The following ANKIB1 variants were observed in gnomAD, a reference collection of about 807,000 sequenced individuals.
ANKIB1 encodes the protein ankyrin repeat and IBR domain containing 1.
A neutral mutation model predicts 122.1 loss-of-function variants in ANKIB1; 43 were observed. The observed-to-expected ratio is 0.35, with a 90% CI of 0.28 to 0.45. The LOEUF (loss-of-function observed/expected upper bound fraction) is 0.45, where lower values mean the gene tolerates loss of function less well. Among genes scored for constraint, ANKIB1 ranks in the 20% least tolerant of loss-of-function variants. The pLI is 1.00. For missense variants in ANKIB1, 992 were observed against 1,329.5 expected, an observed-to-expected ratio of 0.75 and a Z score of 3.95; for synonymous variants, 390 against 442.0, an observed-to-expected ratio of 0.88 and a Z score of 1.48.
intron 1 of ANKIB1, among the ~76,000 whole-genome samples, chr7:92,283,097 C>A (rs1442713366): frequency 6.6e-6 from 1 of 151,816 alleles, no homozygotes; most frequent in African/African-American, 2.4e-5. Context: ...CTAAGAGGAG[C>A]CAGAATATAT....
intron 4 of ANKIB1, among the ~76,000 whole-genome samples, chr7:92,321,721 C>T (rs1174266245): frequency 6.6e-6 from 1 of 152,078 alleles, no homozygotes. Context: ...TTTATTTTCC[C>T]CATGGATTCC....
At chr7:92,344,193 G>GTTTTTT (rs67933063) in intron 6 of ANKIB1, among the ~76,000 whole-genome samples, 20 of 97,680 alleles carry the variant, frequency 2.0e-4, no homozygotes, top group East Asian at 1.5e-3. Flanking sequence ...TGTGTTTTTG[G>GTTTTTT]TTTTTTTTTT....
chr7:92,290,581 A>G (rs993405428), intron 1 of ANKIB1, among the ~76,000 whole-genome samples: 13 of 152,170 alleles, frequency 8.5e-5, no homozygotes, highest in African/African-American at 3.1e-4. Flanking sequence ...GGAATCAGTT[A>G]TATACTTTTA....
At position 92,309,941 on chromosome 7, in the gene ANKIB1, A is replaced by AT. The variant is rs1357196516; in HGVS notation, c.486+2285_486+2286insT. On this transcript the variant is annotated intron_variant, in intron 3 of 19. Transcript: ENST00000265742. ...CTCCATCTAAAAAAAAAAAAAAAAAAAATATATATATATATATATATAAAT... is the reference window on the plus strand; with the variant it reads ...CTCCATCTAAAAAAAAAAAAAAAAAATAATATATATATATATATATATAAAT... Among the ~76,000 whole-genome samples, 495 of 112,646 alleles carry AT rather than the reference A, an allele frequency of 4.4e-3. 1 individual carries two copies. Among genetic ancestry groups the AT allele is most frequent in the Non-Finnish European group, 6.5e-3 (341 of 52,706 alleles). 73.9% of individuals were successfully genotyped at this position (112,646 alleles called of 152,430 possible). A position where few individuals can be genotyped will look rare whatever the true frequency, so the allele number is the denominator to read the frequency against.
chr7:92,252,934 G>A (rs1801359711), intron 1 of ANKIB1, among the ~76,000 whole-genome samples: 2 of 151,702 alleles, frequency 1.3e-5, no homozygotes, highest in South Asian at 4.2e-4. Flanking sequence ...TTTTGTGAAA[G>A]ATGGTATTTA....
chr7:92,285,425 A>G (rs529360393), intron 1 of ANKIB1, among the ~76,000 whole-genome samples: 1 of 152,318 alleles, frequency 6.6e-6, no homozygotes, highest in South Asian at 2.1e-4. Flanking sequence ...GCATGTTTTT[A>G]TATTGGTGGA....
intron 5 of ANKIB1, among the ~76,000 whole-genome samples, chr7:92,330,683 A>G (rs1337354789): frequency 6.6e-6 from 1 of 152,072 alleles, no homozygotes. Context: ...TCTACTAAAA[A>G]TACAAAAAAT....
intron 1 of ANKIB1, among the ~76,000 whole-genome samples, chr7:92,286,799 T>G (rs1313483412): frequency 1.3e-5 from 2 of 152,174 alleles, no homozygotes; most frequent in Non-Finnish European, 2.9e-5. Flanking sequence ...TTATTCCATT[T>G]GTTGCTTTAT....
intron 2 of ANKIB1, among the ~76,000 whole-genome samples, chr7:92,302,682 A>G (rs1802481626): frequency 6.6e-6 from 1 of 152,226 alleles, no homozygotes; most frequent in Admixed American, 6.5e-5. Flanking sequence ...TGTCTTTATT[A>G]GAGCACATGT....
At chr7:92,317,927 A>G (rs1802826999) in intron 3 of ANKIB1, among the ~76,000 whole-genome samples, 1 of 152,214 alleles carries the variant, frequency 6.6e-6, no homozygotes, top group African/African-American at 2.4e-5. Flanking sequence ...CAGAACTTCA[A>G]GATGGACCCA....
chr7:92,327,028 T>C (rs1803041114), intron 4 of ANKIB1, among the ~76,000 whole-genome samples: 1 of 152,208 alleles, frequency 6.6e-6, no homozygotes, highest in African/African-American at 2.4e-5. Flanking sequence ...TGAACATACA[T>C]ATTCATACCC....
At chr7:92,387,110 CACTATGT>C (rs1804671469) in intron 12 of ANKIB1, among the ~76,000 whole-genome samples, 2 of 152,122 alleles carry the variant, frequency 1.3e-5, no homozygotes, top group Non-Finnish European at 2.9e-5. Context: ...GCCACCCTCT[CACTATGT>C]CCTTAGGTGG....
At chr7:92,368,059 G>A (rs997913085) in intron 10 of ANKIB1, among the ~76,000 whole-genome samples, 1 of 152,032 alleles carries the variant, frequency 6.6e-6, no homozygotes, top group African/African-American at 2.4e-5. Flanking sequence ...GGGAAGCTGA[G>A]GTAGGAGGAT....
chr7:92,326,061 T>C, intron 4 of ANKIB1: 1 of 351,056 alleles, frequency 2.8e-6, no homozygotes, highest in Non-Finnish European at 5.6e-6. Context: ...CACTTGGGAC[T>C]GAGCAATGTG....
At chr7:92,280,544 AGTGTAAGCTTTTAACAT>A (rs1801995268) in intron 1 of ANKIB1, among the ~76,000 whole-genome samples, 1 of 151,304 alleles carries the variant, frequency 6.6e-6, no homozygotes, top group African/African-American at 2.4e-5. Context: ...AGGAGAAAAC[AGTGTAAGCTTTTAACAT>A]TTTTTGCCCA....
At chr7:92,343,927 G>A (rs558390686) in intron 6 of ANKIB1, among the ~76,000 whole-genome samples, 3 of 152,040 alleles carry the variant, frequency 2.0e-5, no homozygotes, top group Non-Finnish European at 2.9e-5. Context: ...CATATCATTG[G>A]TGTGCTACTA....
At position 92,391,155 on chromosome 7, in the gene ANKIB1, G is replaced by A; in HGVS notation, c.2053-11G>A. ...AGCCTGTGATTTTTTTTTTTTCTCT[G>A]CTTACTATAGACAGACCTAGAAATG... On this transcript the variant is annotated splice_polypyrimidine_tract_variant and intron_variant, in intron 15 of 19. Transcript: ENST00000265742. 6.5e-7 allele frequency: 1 copy of A among 1,545,072 alleles called. No homozygotes were observed. Among genetic ancestry groups the A allele is most frequent in the Non-Finnish European group, 8.7e-7 (1 of 1,146,858 alleles).
intron 5 of ANKIB1, among the ~76,000 whole-genome samples, chr7:92,330,750 G>A (rs539653376): frequency 7.6e-4 from 115 of 152,286 alleles, no homozygotes; most frequent in Admixed American, 1.6e-3. Context: ...GCTGAGGCAG[G>A]AGAATGGCGT....
chr7:92,251,813 G>A (rs1441350834), intron 1 of ANKIB1, among the ~76,000 whole-genome samples: 1 of 152,158 alleles, frequency 6.6e-6, no homozygotes, highest in Non-Finnish European at 1.5e-5. Flanking sequence ...ATACAACACT[G>A]CTATCTAGTC....
Sources: allele counts gnomAD v4.1 joint callset (sites outside exome capture counted in the v4.1 genomes callset), GRCh38; gene constraint gnomAD v4.1.1; transcripts MANE v1.5; gene names NCBI Gene and HGNC (gene_info 2026-07-23, HGNC 2026-07-21).